The following NCKAP5 variants were observed in gnomAD, a reference collection of about 807,000 sequenced individuals.
The protein encoded by NCKAP5 is NCK associated protein 5, also known as nck-associated protein 5.
Under a neutral mutation model 167.0 loss-of-function variants are expected in NCKAP5, and 92 were observed. The ratio of observed to expected loss-of-function variants is 0.55; its 90% CI spans 0.47 to 0.66. NCKAP5 has a LOEUF of 0.66. NCKAP5 is among the 30% of genes least tolerant of loss of function. The probability of loss-of-function intolerance (pLI) is 0.00; values close to 1 mark genes in which losing one functional copy is unlikely to be tolerated. For missense variants in NCKAP5, 2,378 were observed against 2,315.0 expected, an observed-to-expected ratio of 1.03 and a Z score of -0.56; for synonymous variants, 891 against 877.4, an observed-to-expected ratio of 1.02 and a Z score of -0.27.
At chr2:133,100,230 C>G (rs1029289327) in intron 6 of NCKAP5, among the ~76,000 whole-genome samples, 7 of 152,198 alleles carry the variant, frequency 4.6e-5, no homozygotes, top group African/African-American at 1.7e-4. Context: ...TATGGTCAAC[C>G]ACTTGATCTG....
At chr2:132,824,548 A>G (rs1686988121) in intron 11 of NCKAP5, among the ~76,000 whole-genome samples, 1 of 152,234 alleles carries the variant, frequency 6.6e-6, no homozygotes, top group Non-Finnish European at 1.5e-5. Context: ...TCTCTGAAGT[A>G]GAAGAAAGAA....
chr2:132,770,946 C>T (rs1681991212), intron 16 of NCKAP5, among the ~76,000 whole-genome samples: 1 of 152,106 alleles, frequency 6.6e-6, no homozygotes, highest in Non-Finnish European at 1.5e-5. Flanking sequence ...AAGCTATGTG[C>T]TTCCAGTCAG....
intron 3 of NCKAP5, among the ~76,000 whole-genome samples, chr2:133,375,618 A>G (rs1255842454): frequency 2.0e-5 from 3 of 152,148 alleles, no homozygotes; most frequent in Non-Finnish European, 4.4e-5. Flanking sequence ...GGTAGGCACC[A>G]GTGTGCATTG....
At chr2:133,167,428 G>A (rs1005712436) in intron 5 of NCKAP5, among the ~76,000 whole-genome samples, 37 of 152,070 alleles carry the variant, frequency 2.4e-4, no homozygotes, top group African/African-American at 7.2e-4. Context: ...AAAAGCTTAC[G>A]TTCACAAAGT....
intron 5 of NCKAP5, among the ~76,000 whole-genome samples, chr2:133,188,270 C>T (rs1268355316): frequency 6.6e-6 from 1 of 151,998 alleles, no homozygotes; most frequent in Admixed American, 6.6e-5. Context: ...CAAGAGCACC[C>T]AGATTCATAA....
At chr2:132,720,761 C>A (rs1689837996) in intron 19 of NCKAP5, among the ~76,000 whole-genome samples, 1 of 152,186 alleles carries the variant, frequency 6.6e-6, no homozygotes, top group Non-Finnish European at 1.5e-5. Flanking sequence ...GTAATCCCAG[C>A]ACTTTGGGAG....
At chr2:133,334,898 C>G (rs1430690871) in intron 3 of NCKAP5, among the ~76,000 whole-genome samples, 1 of 152,176 alleles carries the variant, frequency 6.6e-6, no homozygotes, top group African/African-American at 2.4e-5. Context: ...TGCTCCTTTA[C>G]AGCATGTGGC....
chr2:132,801,016 G>A (rs1484481821), intron 11 of NCKAP5, among the ~76,000 whole-genome samples: 1 of 152,152 alleles, frequency 6.6e-6, no homozygotes, highest in Non-Finnish European at 1.5e-5. Flanking sequence ...CACATGACAC[G>A]TTTAGTTCTA....
At chr2:133,614,775 T>C in the NCKAP5 span, among the ~76,000 whole-genome samples, 2 of 151,064 alleles carry the variant, frequency 1.3e-5, no homozygotes, top group African/African-American at 4.8e-5. Flanking sequence ...CAGGCCAACA[T>C]TCAGATTCAG....
Position 133,109,514 on chromosome 2 carries a change from G to T in NCKAP5, c.341+20464C>A, listed in dbSNP as rs149555605. On this transcript the variant is annotated intron_variant, in intron 6 of 19. Coordinates refer to ENST00000409261, the MANE Select transcript of NCKAP5 (RefSeq NM_207363.3). ...GTTACTGCCGAAGGATATATAGGAA[G>T]TAGAATACTAGGAAGTATTATATTC... Among the ~76,000 whole-genome samples, 767 of 152,172 alleles carry T rather than the reference G, an allele frequency of 5.0e-3. 1 individual carries two copies. Among genetic ancestry groups the T allele is most frequent in the Non-Finnish European group, 8.8e-3 (600 of 67,992 alleles).
chr2:133,004,002 G>A (rs1309319310), intron 6 of NCKAP5, among the ~76,000 whole-genome samples: 1 of 152,190 alleles, frequency 6.6e-6, no homozygotes, highest in East Asian at 1.9e-4. Flanking sequence ...TGCACATGGA[G>A]TAGAAGGAAC....
chr2:133,617,328 A>C, the NCKAP5 span, among the ~76,000 whole-genome samples: 85 of 152,036 alleles, frequency 5.6e-4, no homozygotes, highest in Non-Finnish European at 1.0e-3. Context: ...GAAGGAAATA[A>C]AAGGCATTCA....
intron 3 of NCKAP5, among the ~76,000 whole-genome samples, chr2:133,453,936 G>C (rs1028641413): frequency 2.0e-5 from 3 of 151,980 alleles, no homozygotes; most frequent in African/African-American, 7.2e-5. Context: ...TCACTATCAT[G>C]TTTGTCACTT....
intron 6 of NCKAP5, among the ~76,000 whole-genome samples, chr2:133,053,307 G>T (rs574669584): frequency 1.1e-4 from 16 of 152,310 alleles, no homozygotes; most frequent in African/African-American, 3.8e-4. Flanking sequence ...GGAGGGATTT[G>T]ACTCCTGGCT....
rs761468271 is a variant in NCKAP5, at chr2:132,782,993, G to C, written c.3818C>G (p.Ala1273Gly). 6.2e-7 allele frequency: 1 copy of C among 1,613,936 alleles called. No homozygotes were observed. The highest frequency in any genetic ancestry group is 8.5e-7 in the Non-Finnish European group (1 of 1,179,878). Residue 1273 changes from alanine (A) to glycine (G), a missense_variant, in exon 14 of 20, where the codon GCC (alanine) becomes GGC (glycine). This residue lies in a region of NCKAP5 where 1,325 missense variants were observed against 1,274.5 expected (regional missense o/e 1.04). Coordinates refer to ENST00000409261, the MANE Select transcript of NCKAP5 (RefSeq NM_207363.3). Reference protein sequence around the residue: ...KPALGMNGAKARSHSFSTHSG... With the variant: ...KPALGMNGAKGRSHSFSTHSG... ...GTGTGTACTGAAGCTGTGGCTGCGG[G>C]CTTTGGCGCCATTCATACCCAGAGC...
chr2:132,844,009 C>G (rs1479005134), intron 11 of NCKAP5, among the ~76,000 whole-genome samples: 1 of 151,854 alleles, frequency 6.6e-6, no homozygotes, highest in African/African-American at 2.4e-5. Context: ...CTTTCCCCTT[C>G]CAGAAATCTC....
At chr2:133,021,015 C>CG (rs1217131698) in intron 6 of NCKAP5, among the ~76,000 whole-genome samples, 1 of 152,116 alleles carries the variant, frequency 6.6e-6, no homozygotes, top group East Asian at 1.9e-4. Context: ...CCTCTCTGCC[C>CG]GGGAACACAC....
intron 8 of NCKAP5, among the ~76,000 whole-genome samples, chr2:132,962,659 T>G (rs570016147): frequency 3.9e-5 from 6 of 152,132 alleles, no homozygotes; most frequent in Non-Finnish European, 8.8e-5. Context: ...GGCGCAATCT[T>G]GGCTCACTGC....
intron 5 of NCKAP5, among the ~76,000 whole-genome samples, chr2:133,191,417 T>C (rs2085213330): frequency 6.6e-6 from 1 of 152,142 alleles, no homozygotes. Flanking sequence ...GCAATCCCAT[T>C]ACTGGGTGTA....
Sources: gnomAD v4.1 joint callset for allele counts (sites outside exome capture counted in the v4.1 genomes callset) on GRCh38, gnomAD v4.1.1 for gene constraint, gnomAD v4.1.1 regional missense constraint, MANE v1.5 for transcripts, NCBI Gene and HGNC (gene_info 2026-07-23, HGNC 2026-07-21) for gene names.